Variants in DZIP3 observed in about 807,000 individuals in gnomAD.
DZIP3 encodes DAZ interacting zinc finger protein 3.
Under a neutral mutation model 162.0 loss-of-function variants are expected in DZIP3, and 118 were observed. That is an observed-to-expected ratio of 0.73 (90% CI 0.63 to 0.85). The LOEUF (loss-of-function observed/expected upper bound fraction) is 0.85, where lower values mean the gene tolerates loss of function less well. DZIP3 is among the 40% of genes least tolerant of loss of function. The probability of loss-of-function intolerance (pLI) is 0.00; values close to 1 mark genes in which losing one functional copy is unlikely to be tolerated. For synonymous variants in DZIP3, 438 were observed against 458.6 expected (o/e 0.96, Z 0.57); for missense variants, 1,331 against 1,407.0 (o/e 0.95, Z 0.86).
rs974999737 is a variant in DZIP3, at chr3:108,675,378, T to C, written c.2694-408T>C. ...AGCCATATAGGCCAACCATGGCTTTTTGATGTCAGAGTTAATGTGAAGATA... is the reference window on the plus strand; with the variant it reads ...AGCCATATAGGCCAACCATGGCTTTCTGATGTCAGAGTTAATGTGAAGATA... On this transcript the variant is annotated intron_variant, in intron 24 of 32. Coordinates refer to ENST00000361582, the MANE Select transcript of DZIP3 (RefSeq NM_014648.4). 1.1e-3 allele frequency among the ~76,000 whole-genome samples: 161 copies of C among 152,186 alleles called. 1 individual carries two copies. The highest frequency in any genetic ancestry group is 3.4e-3 in the Middle Eastern group (1 of 294).
intron 4 of DZIP3, among the ~76,000 whole-genome samples, chr3:108,615,596 T>C (rs1940960767): frequency 6.6e-6 from 1 of 152,108 alleles, no homozygotes; most frequent in African/African-American, 2.4e-5. Flanking sequence ...GTTATGGAAG[T>C]GTAGATTAAA....
At chr3:108,637,632 A>T in intron 12 of DZIP3, 84 bp downstream of exon 12, 1 of 1,123,096 alleles carries the variant, frequency 8.9e-7, no homozygotes, top group Non-Finnish European at 1.3e-6. Flanking sequence ...TGTTTCTGTC[A>T]CCTAATAGAG....
chr3:108,653,060 C>T (rs142767900), intron 18 of DZIP3, among the ~76,000 whole-genome samples: 16 of 151,908 alleles, frequency 1.1e-4, no homozygotes, highest in African/African-American at 3.6e-4. Flanking sequence ...TATATTTTTA[C>T]AGTTGTAGGG....
chr3:108,657,585 C>T (rs367869567), intron 19 of DZIP3, among the ~76,000 whole-genome samples: 215 of 152,192 alleles, frequency 1.4e-3, no homozygotes, highest in African/African-American at 4.3e-3. Context: ...CATCAACTAA[C>T]GAGCAAAATA....
chr3:108,603,538 A>G (rs570271189), intron 1 of DZIP3, among the ~76,000 whole-genome samples: 1 of 152,334 alleles, frequency 6.6e-6, no homozygotes, highest in South Asian at 2.1e-4. Flanking sequence ...ACAATTATCT[A>G]GGAAAACTGT....
intron 5 of DZIP3, among the ~76,000 whole-genome samples, chr3:108,620,230 T>C (rs1006554995): frequency 2.0e-5 from 3 of 152,144 alleles, no homozygotes; most frequent in African/African-American, 7.2e-5. Context: ...TATAAGAGAC[T>C]CAGTGATCAA....
At chr3:108,632,548 G>C (rs976051657) in intron 8 of DZIP3, among the ~76,000 whole-genome samples, 1 of 152,214 alleles carries the variant, frequency 6.6e-6, no homozygotes, top group Admixed American at 6.5e-5. Flanking sequence ...CCAATGCAGT[G>C]ACCTACAGGT....
upstream of DZIP3, chr3:108,589,567 G>C (rs764101597): frequency 5.5e-4 from 269 of 490,224 alleles, no homozygotes; most frequent in Non-Finnish European, 9.3e-4. Flanking sequence ...GCCAGGGGTC[G>C]AGGTGATTTG....
intron 18 of DZIP3, among the ~76,000 whole-genome samples, chr3:108,653,507 G>GTGTGTATATATA (rs1273159630): frequency 8.6e-4 from 90 of 104,562 alleles, no homozygotes; most frequent in Admixed American, 1.9e-3. Flanking sequence ...GTGTGTGTGT[G>GTGTGTATATATA]TATATATATA....
At chr3:108,613,892 A>G (rs1940859684) in intron 4 of DZIP3, among the ~76,000 whole-genome samples, 2 of 152,162 alleles carry the variant, frequency 1.3e-5, no homozygotes, top group Admixed American at 6.5e-5. Context: ...TAGGTAACCA[A>G]TTGGCCAAAG....
At chr3:108,672,536 G>A in intron 22 of DZIP3, 24 bp from the exon 23 acceptor site, 3 of 1,585,784 alleles carry the variant, frequency 1.9e-6, no homozygotes, top group Non-Finnish European at 2.6e-6. Context: ...AATATTGCGA[G>A]TCTTTAATGA....
chr3:108,610,882 T>C (rs1940665686), intron 3 of DZIP3, among the ~76,000 whole-genome samples: 1 of 152,242 alleles, frequency 6.6e-6, no homozygotes, highest in Admixed American at 6.5e-5. Flanking sequence ...TTAACAACTA[T>C]TCATTTTCAA....
intron 25 of DZIP3, among the ~76,000 whole-genome samples, chr3:108,677,116 T>C (rs1206731571): frequency 6.6e-6 from 1 of 152,122 alleles, no homozygotes; most frequent in Non-Finnish European, 1.5e-5. Flanking sequence ...TTGTTACAAA[T>C]ATATTTTTTC....
chr3:108,672,208 G>T, intron 22 of DZIP3, among the ~76,000 whole-genome samples: 1 of 152,028 alleles, frequency 6.6e-6, no homozygotes, highest in East Asian at 1.9e-4. Flanking sequence ...CACTTCGGGG[G>T]TTAAGATTTC....
chr3:108,682,621 G>A (rs1944361644), intron 26 of DZIP3, among the ~76,000 whole-genome samples: 1 of 150,644 alleles, frequency 6.6e-6, no homozygotes, highest in Non-Finnish European at 1.5e-5. Context: ...GAGGATAGAT[G>A]GAAGGCAAGC....
At chr3:108,635,003 C>T in intron 10 of DZIP3, 31 bp downstream of exon 10, 1 of 1,315,554 alleles carries the variant, frequency 7.6e-7, no homozygotes, top group Non-Finnish European at 1.1e-6. Flanking sequence ...ACTACAACAG[C>T]ATTTCTTCCT....
intron 26 of DZIP3, 58 bp downstream of exon 26, chr3:108,677,656 C>A: frequency 7.2e-7 from 1 of 1,379,478 alleles, no homozygotes; most frequent in Non-Finnish European, 1.0e-6. Flanking sequence ...ATGGTAAGGG[C>A]TGTGAAACAC....
chr3:108,686,255 A>G (rs1378041813), intron 27 of DZIP3, among the ~76,000 whole-genome samples, 190 bp from the exon 28 acceptor site: 1 of 152,136 alleles, frequency 6.6e-6, no homozygotes, highest in East Asian at 1.9e-4. Context: ...TCTTCATTCT[A>G]CCCTTTTCTT....
rs370077462 is a variant in DZIP3, at chr3:108,662,296, G to A, written c.2423+39G>A. Reference sequence around the variant, plus strand: ...TTTTGATAAAGGGAAATTCTGCGCCGTAATAAACAGTATCTTTAATAGTTA... The same window carrying A: ...TTTTGATAAAGGGAAATTCTGCGCCATAATAAACAGTATCTTTAATAGTTA... On this transcript the variant is annotated intron_variant, in intron 21 of 32. Transcript: ENST00000361582. 1.1e-5 allele frequency: 17 copies of A among 1,548,002 alleles called. No individual in the cohort carries two copies. The Admixed American group carries it at 2.2e-4, about 20-fold the overall frequency.
Sources: gnomAD v4.1 joint callset for allele counts (sites outside exome capture counted in the v4.1 genomes callset) on GRCh38, gnomAD v4.1.1 for gene constraint, MANE v1.5 for transcripts, NCBI Gene and HGNC (gene_info 2026-07-23, HGNC 2026-07-21) for gene names.